The following SYNPR variants were observed in gnomAD, a reference collection of about 807,000 sequenced individuals.
SYNPR encodes the protein synaptoporin.
SYNPR carries 23 observed loss-of-function variants against 32.9 expected under a neutral mutation model. The observed-to-expected ratio is 0.70, with a 90% CI of 0.50 to 0.99. The LOEUF is 0.99. Among genes scored for constraint, SYNPR ranks in the 50% least tolerant of loss-of-function variants. The probability of loss-of-function intolerance (pLI) is 0.00; values close to 1 mark genes in which losing one functional copy is unlikely to be tolerated. For missense variants in SYNPR, 318 were observed against 349.3 expected (o/e 0.91, Z 0.71); for synonymous variants, 146 against 135.9 (o/e 1.07, Z -0.52).
At chr3:63,294,258 G>C (rs1408910739) in intron 2 of SYNPR, among the ~76,000 whole-genome samples, 1 of 152,096 alleles carries the variant, frequency 6.6e-6, no homozygotes, top group African/African-American at 2.4e-5. Flanking sequence ...TGCTGGCTCA[G>C]AAGATTATAC....
intron 2 of SYNPR, among the ~76,000 whole-genome samples, chr3:63,322,788 T>G (rs1008437114): frequency 9.2e-5 from 14 of 152,096 alleles, no homozygotes; most frequent in Admixed American, 9.2e-4. Context: ...GAGGCAAATG[T>G]AAACATATAC....
chr3:63,452,185 A>G, intron 2 of SYNPR: 1 of 669,488 alleles, frequency 1.5e-6, no homozygotes, highest in Non-Finnish European at 2.7e-6. Context: ...CATTCTATGT[A>G]ATACTGAGCA....
intron 2 of SYNPR, among the ~76,000 whole-genome samples, chr3:63,444,102 G>C (rs758362605): frequency 6.6e-6 from 1 of 152,142 alleles, no homozygotes; most frequent in South Asian, 2.1e-4. Flanking sequence ...CTTCTCTTTC[G>C]TCTTTCTTTG....
chr3:63,392,051 C>G (rs1160913816), intron 2 of SYNPR, among the ~76,000 whole-genome samples: 1 of 152,170 alleles, frequency 6.6e-6, no homozygotes, highest in Non-Finnish European at 1.5e-5. Flanking sequence ...ATCTTCAACT[C>G]TATTAGGACT....
intron 2 of SYNPR, among the ~76,000 whole-genome samples, chr3:63,350,727 A>G (rs1238546454): frequency 6.6e-6 from 1 of 152,240 alleles, no homozygotes; most frequent in Non-Finnish European, 1.5e-5. Context: ...TGCACTTGCT[A>G]TGGACACCAC....
At chr3:63,210,057 T>C in the SYNPR span, among the ~76,000 whole-genome samples, 2 of 152,206 alleles carry the variant, frequency 1.3e-5, no homozygotes, top group African/African-American at 4.8e-5. Context: ...TTGTTCTTAC[T>C]AAGAGAACAG....
At chr3:63,419,084 C>G (rs1447792666) in intron 2 of SYNPR, among the ~76,000 whole-genome samples, 1 of 152,204 alleles carries the variant, frequency 6.6e-6, no homozygotes, top group Non-Finnish European at 1.5e-5. Flanking sequence ...TTAATAGTGT[C>G]TCACTTGTCA....
chr3:63,526,259 C>T (rs17068908), intron 3 of SYNPR, among the ~76,000 whole-genome samples: 3,969 of 152,300 alleles, frequency 0.026, 165 homozygotes, highest in African/African-American at 0.09. Context: ...CACTAGCGAA[C>T]GCATTATTTC....
intron 2 of SYNPR, among the ~76,000 whole-genome samples, chr3:63,436,666 T>C (rs1197161606): frequency 1.3e-5 from 2 of 152,112 alleles, no homozygotes; most frequent in African/African-American, 2.4e-5. Flanking sequence ...CAGGAATCCA[T>C]GGACAGCCCT....
rs577851168 is a variant in SYNPR at position 63,387,590 on chromosome 3, G to A, written c.85-93242G>A. ...AGCCAAAACAAAAAATCCTCTTTCA[G>A]AATTTGGAAAATGGGTAGTGAAAGG... On this transcript the variant is annotated intron_variant, in intron 2 of 5. Transcript: ENST00000478300. Among the ~76,000 whole-genome samples the A allele has an allele frequency of 5.3e-5, 8 of 152,220 alleles. 1 individual carries two copies. The South Asian group carries it at 1.7e-3, about 32-fold the overall frequency.
intron 5 of SYNPR, among the ~76,000 whole-genome samples, chr3:63,614,856 A>C (rs1458934795): frequency 6.6e-6 from 1 of 152,218 alleles, no homozygotes; most frequent in Non-Finnish European, 1.5e-5. Context: ...TGCCTTAAGT[A>C]AGGTTTCCAG....
At chr3:63,311,834 A>G (rs2086967202) in intron 2 of SYNPR, among the ~76,000 whole-genome samples, 1 of 152,050 alleles carries the variant, frequency 6.6e-6, no homozygotes, top group South Asian at 2.1e-4. Context: ...TCTATGTATT[A>G]TTTTAAATTT....
At chr3:63,290,326 T>C (rs2086726971) in intron 2 of SYNPR, among the ~76,000 whole-genome samples, 1 of 152,196 alleles carries the variant, frequency 6.6e-6, no homozygotes, top group Non-Finnish European at 1.5e-5. Context: ...TCATTACTCC[T>C]AGGTCTTGGA....
chr3:63,433,701 C>T (rs990642597), intron 2 of SYNPR, among the ~76,000 whole-genome samples: 3 of 151,990 alleles, frequency 2.0e-5, no homozygotes, highest in East Asian at 1.9e-4. Context: ...GCCCTGAATC[C>T]GAGGGTTCGG....
At chr3:63,546,494 G>A (rs1702404526) in intron 3 of SYNPR, among the ~76,000 whole-genome samples, 1 of 152,038 alleles carries the variant, frequency 6.6e-6, no homozygotes, top group Non-Finnish European at 1.5e-5. Context: ...CATGCTGGGG[G>A]TGAGGGGGGA....
At chr3:63,419,023 CT>C (rs1328580021) in intron 2 of SYNPR, among the ~76,000 whole-genome samples, 1 of 152,214 alleles carries the variant, frequency 6.6e-6, no homozygotes, top group Non-Finnish European at 1.5e-5. Flanking sequence ...TGTACATTCT[CT>C]CCACTTTTTC....
At chr3:63,396,012 A>G (rs2088207463) in intron 2 of SYNPR, among the ~76,000 whole-genome samples, 1 of 152,218 alleles carries the variant, frequency 6.6e-6, no homozygotes. Context: ...AAGCAGCCTA[A>G]TCATGTTAGC....
chr3:63,358,524 A>C (rs190570304), intron 2 of SYNPR, among the ~76,000 whole-genome samples: 1 of 152,326 alleles, frequency 6.6e-6, no homozygotes, highest in Admixed American at 6.5e-5. Context: ...TCACATCGGC[A>C]AACTCAGTTT....
At chr3:63,507,274 A>T (rs567730299) in intron 3 of SYNPR, among the ~76,000 whole-genome samples, 1 of 152,116 alleles carries the variant, frequency 6.6e-6, no homozygotes, top group East Asian at 1.9e-4. Context: ...ATGTTTATAA[A>T]TTACAAAAGG....
Sources: allele counts gnomAD v4.1 joint callset (sites outside exome capture counted in the v4.1 genomes callset), GRCh38; gene constraint gnomAD v4.1.1; transcripts MANE v1.5; gene names NCBI Gene and HGNC (gene_info 2026-07-23, HGNC 2026-07-21).